CRIM1: variants seen among roughly 807,000 people sequenced by gnomAD.
CRIM1 encodes cysteine-rich motor neuron 1 protein.
Under a neutral mutation model 116.4 loss-of-function variants are expected in CRIM1, and 32 were observed. That is an observed-to-expected ratio of 0.27 (90% CI 0.21 to 0.37). The LOEUF is 0.37. CRIM1 is among the 10% of genes least tolerant of loss of function. The pLI, the probability that CRIM1 is intolerant of heterozygous loss-of-function variation, is 1.00. For missense variants in CRIM1, 1,331 were observed against 1,354.8 expected (o/e 0.98, Z 0.28); for synonymous variants, 590 against 509.2 (o/e 1.16, Z -2.13).
chr2:36,543,395 T>A (rs1667090469), intron 14 of CRIM1, among the ~76,000 whole-genome samples: 2 of 152,346 alleles, frequency 1.3e-5, no homozygotes, highest in Admixed American at 1.3e-4. Context: ...GCAGAGGGGA[T>A]TATTAATCCT....
chr2:36,423,061 A>G (rs1572697036), intron 2 of CRIM1, among the ~76,000 whole-genome samples: 1 of 152,228 alleles, frequency 6.6e-6, no homozygotes, highest in African/African-American at 2.4e-5. Context: ...CTTCCATACT[A>G]GAGTATTTTA....
Position 36,537,541 on chromosome 2 carries a change from G to T in CRIM1, c.2618G>T (p.Cys873Phe). The T allele has an allele frequency of 1.2e-6, 2 of 1,603,704 alleles. No homozygotes were observed. Among genetic ancestry groups the T allele is most frequent in the Non-Finnish European group, 1.7e-6 (2 of 1,175,346 alleles). ...INVEGSCCPMCPEMYVPEPTN... is the reference protein window; with the variant it reads ...INVEGSCCPMFPEMYVPEPTN... ...GTGGAAGGAAGTTGCTGCCCAATGT[G>T]TCCAGGTATCTAAGCCACCATCCTT... The change falls in exon 14 of 17, where the codon TGT (cysteine) becomes TTT (phenylalanine). Residue 873 changes from cysteine (C) to phenylalanine (F), a missense_variant. Cys to Phe is a radical substitution (Grantham distance 205, BLOSUM62 -2). Around this residue, in one of 3 missense-constraint regions of CRIM1, gnomAD observed 283 missense variants for 242.8 expected, o/e 1.17. Coordinates refer to ENST00000280527, the MANE Select transcript of CRIM1 (RefSeq NM_016441.3).
intron 12 of CRIM1, among the ~76,000 whole-genome samples, chr2:36,519,825 G>A (rs142117071): frequency 1.3e-5 from 2 of 152,280 alleles, no homozygotes; most frequent in African/African-American, 4.8e-5. Context: ...AAGGGAGAGG[G>A]TAAAATAGCA....
At chr2:36,534,346 A>G (rs1572948916) in intron 13 of CRIM1, among the ~76,000 whole-genome samples, 3 of 85,294 alleles carry the variant, frequency 3.5e-5, no homozygotes, top group African/African-American at 4.5e-5. Context: ...GGGAGGGAGG[A>G]GGAGGGAAGG....
At position 36,356,448 on chromosome 2, in the gene CRIM1, G is replaced by C. The variant is rs748855150; in HGVS notation, c.156G>C (p.Pro52=). 4.3e-6 allele frequency: 7 copies of C among 1,612,100 alleles called. No individual in the cohort carries two copies. Among genetic ancestry groups the C allele is most frequent in the African/African-American group, 2.7e-5 (2 of 74,898 alleles). Reference sequence around the variant, plus strand: ...AGTGCGAGGAGCCCAGGAACTGCCCGGGGAGCATCGTGCAGGGCGTCTGCG... The same window carrying C: ...AGTGCGAGGAGCCCAGGAACTGCCCCGGGAGCATCGTGCAGGGCGTCTGCG... ...ESKCEEPRNC[P]GSIVQGVCGC... Residue 52 remains proline, a synonymous_variant, in exon 1 of 17, where the codon CCG becomes CCC. Coordinates refer to ENST00000280527, the MANE Select transcript of CRIM1 (RefSeq NM_016441.3). The surrounding 1 kb of genome is among the most constrained non-coding windows in gnomAD (Gnocchi z 4.3).
At chr2:36,420,122 A>C (rs1023473754) in intron 2 of CRIM1, among the ~76,000 whole-genome samples, 1 of 151,818 alleles carries the variant, frequency 6.6e-6, no homozygotes, top group African/African-American at 2.4e-5. Context: ...TCTTCTTCTG[A>C]TATCTTCTCT....
intron 2 of CRIM1, among the ~76,000 whole-genome samples, chr2:36,438,397 C>T (rs962810042): frequency 4.6e-5 from 7 of 152,176 alleles, no homozygotes; most frequent in Non-Finnish European, 8.8e-5. Context: ...AGCAGTCTAC[C>T]AAATGCAGTT....
chr2:36,384,821 G>C (rs1041126126), intron 1 of CRIM1, among the ~76,000 whole-genome samples: 3 of 152,178 alleles, frequency 2.0e-5, no homozygotes, highest in Non-Finnish European at 2.9e-5. Flanking sequence ...TTGTCTCTGT[G>C]ATTCTCATTT....
chr2:36,392,823 G>A (rs192431648), intron 1 of CRIM1, among the ~76,000 whole-genome samples: 130 of 152,130 alleles, frequency 8.5e-4, no homozygotes, highest in African/African-American at 3.0e-3. Context: ...AATTGAAAGA[G>A]TTTACTCTCA....
At chr2:36,362,825 C>T (rs1276075788) in intron 1 of CRIM1, among the ~76,000 whole-genome samples, 2 of 152,128 alleles carry the variant, frequency 1.3e-5, no homozygotes, top group African/African-American at 4.8e-5. Flanking sequence ...GAACAGGTAT[C>T]AATTCCTTAC....
At chr2:36,449,321 C>T (rs532931816) in intron 4 of CRIM1, among the ~76,000 whole-genome samples, 3 of 152,136 alleles carry the variant, frequency 2.0e-5, no homozygotes, top group Non-Finnish European at 2.9e-5. Context: ...TGGCACTTAC[C>T]ACTGAGCTGC....
chr2:36,362,173 A>G (rs540605971), intron 1 of CRIM1, among the ~76,000 whole-genome samples: 4 of 152,062 alleles, frequency 2.6e-5, no homozygotes, highest in South Asian at 2.1e-4. Context: ...AAGTCTACAT[A>G]ATAATATAAA....
Position 36,356,517 on chromosome 2 carries a change from C to T in CRIM1, c.225C>T (p.Gly75=). Residue 75 remains glycine (G), a synonymous_variant, in exon 1 of 17, where the codon GGC becomes GGT. Coordinates refer to ENST00000280527, the MANE Select transcript of CRIM1 (RefSeq NM_016441.3). The surrounding 1 kb of genome is among the most constrained non-coding windows in gnomAD (Gnocchi z 4.3). The part of the protein sequence containing the change: ...TCASQRNESC[G]GTFGIYGTCD... Reference sequence around the variant, plus strand: ...CCAGCCAGAGGAACGAGAGCTGCGGCGGCACCTTCGGGATTTACGGAACCT... The same window carrying T: ...CCAGCCAGAGGAACGAGAGCTGCGGTGGCACCTTCGGGATTTACGGAACCT... 1 of 1,612,866 alleles carries T rather than the reference C, an allele frequency of 6.2e-7. No individual in the cohort carries two copies. The highest frequency in any genetic ancestry group is 1.1e-5 in the South Asian group (1 of 91,080).
intron 7 of CRIM1, among the ~76,000 whole-genome samples, chr2:36,485,693 C>T (rs1679763302): frequency 6.6e-6 from 1 of 152,124 alleles, no homozygotes. Context: ...TGGCTGACCC[C>T]AAGAGGCAGT....
chr2:36,378,606 G>GGT, intron 1 of CRIM1: 1 of 302,726 alleles, frequency 3.3e-6, no homozygotes. Context: ...GAGACTAAAG[G>GGT]GTATACGTCC....
chr2:36,429,451 T>C (rs1356118481), intron 2 of CRIM1, among the ~76,000 whole-genome samples: 7 of 152,200 alleles, frequency 4.6e-5, no homozygotes, highest in Non-Finnish European at 2.9e-5. Context: ...GATGCTGGGC[T>C]CTGTGTGGGT....
At position 36,549,811 on chromosome 2, in the gene CRIM1, CAA is replaced by C. The variant is rs1197024060; in HGVS notation, c.*1113_*1114del. 6.6e-6 allele frequency: 1 copy of C among 151,652 alleles called. No individual in the cohort carries two copies. Among genetic ancestry groups the C allele is most frequent in the South Asian group, 2.1e-4 (1 of 4,814 alleles). 9.4% of individuals were successfully genotyped at this position (151,652 alleles called of 1,614,324 possible). A position where few individuals can be genotyped will look rare whatever the true frequency, so the allele number is the denominator to read the frequency against. On this transcript the variant is annotated 3_prime_UTR_variant, in exon 17 of 17. Transcript: ENST00000280527. ...TGTAACTATCTTATGCTTCAAAAAA[CAA>C]AAGTATTTGTGTGCATGTGTATATA...
intron 8 of CRIM1, among the ~76,000 whole-genome samples, chr2:36,501,014 A>T (rs1199800290): frequency 6.6e-6 from 1 of 152,204 alleles, no homozygotes; most frequent in Non-Finnish European, 1.5e-5. Context: ...GTCACAAATC[A>T]TATATTTAAC....
Position 36,396,696 on chromosome 2 carries a change from G to T in CRIM1, c.414G>T (p.Gly138=). ...NLIAGCNIIN[G]KCECNTIRTC... ...TTGCTGGCTGCAATATAATCAATGG[G>T]AAATGTGAATGTAACACCATTCGAA... Residue 138 remains glycine (G), a synonymous_variant, in exon 2 of 17, where the codon GGG becomes GGT. Transcript: ENST00000280527. 2 of 1,613,670 alleles carry T rather than the reference G, an allele frequency of 1.2e-6. No homozygotes were observed. Among genetic ancestry groups the T allele is most frequent in the Non-Finnish European group, 1.7e-6 (2 of 1,179,600 alleles).
Sources: allele counts gnomAD v4.1 joint callset (sites outside exome capture counted in the v4.1 genomes callset), GRCh38; gene constraint gnomAD v4.1.1; regional missense constraint gnomAD v4.1.1; non-coding constraint Gnocchi (gnomAD v3.1); transcripts MANE v1.5; gene names NCBI Gene and HGNC (gene_info 2026-07-23, HGNC 2026-07-21).